The following NRXN3 variants were observed in gnomAD, a reference collection of about 807,000 sequenced individuals.
NRXN3 encodes neurexin 3, also known as neurexin III.
NRXN3 carries 32 observed loss-of-function variants against 137.6 expected under a neutral mutation model. The ratio of observed to expected loss-of-function variants is 0.23; its 90% CI spans 0.18 to 0.31. The LOEUF (loss-of-function observed/expected upper bound fraction) is 0.31, where lower values mean the gene tolerates loss of function less well. NRXN3 is among the 10% of genes least tolerant of loss of function. NRXN3 has a pLI of 1.00. For synonymous variants in NRXN3, 798 were observed against 784.5 expected (o/e 1.02, Z -0.29); for missense variants, 1,574 against 2,062.5 (o/e 0.76, Z 4.59).
At chr14:78,895,404 A>G (rs546310152) in intron 10 of NRXN3, among the ~76,000 whole-genome samples, 46 of 151,666 alleles carry the variant, frequency 3.0e-4, no homozygotes, top group South Asian at 1.7e-3. Flanking sequence ...CATCTTCCTC[A>G]CCTCTCTTAG....
chr14:78,708,060 A>T (rs895233096), intron 6 of NRXN3, among the ~76,000 whole-genome samples: 8 of 152,226 alleles, frequency 5.3e-5, no homozygotes, highest in Non-Finnish European at 1.0e-4. Flanking sequence ...CTCTGGGTAG[A>T]TACCCAGTAG....
chr14:79,120,032 A>T (rs1046595482), intron 15 of NRXN3, among the ~76,000 whole-genome samples: 1 of 152,152 alleles, frequency 6.6e-6, no homozygotes, highest in Non-Finnish European at 1.5e-5. Context: ...GAGCATCACT[A>T]TGACTTTTTC....
intron 15 of NRXN3, among the ~76,000 whole-genome samples, chr14:79,168,247 G>A (rs143231525): frequency 8.5e-5 from 13 of 152,122 alleles, no homozygotes; most frequent in African/African-American, 3.1e-4. Flanking sequence ...TAGCACAAAG[G>A]CTCTTCTAGT....
intron 15 of NRXN3, among the ~76,000 whole-genome samples, chr14:79,259,933 C>G (rs2077349720): frequency 6.6e-6 from 1 of 152,056 alleles, no homozygotes; most frequent in Non-Finnish European, 1.5e-5. Context: ...CTGTCTCCCC[C>G]ACCTTTCCTT....
chr14:78,345,898 T>G (rs912818775), intron 4 of NRXN3, among the ~76,000 whole-genome samples: 1 of 152,152 alleles, frequency 6.6e-6, no homozygotes, highest in African/African-American at 2.4e-5. Flanking sequence ...ATCAGGTCCC[T>G]GGGGACAGGC....
rs138189816 is a variant in NRXN3 at position 78,552,475 on chromosome 14, T to C, written c.758-92645T>C. On this transcript the variant is annotated intron_variant, in intron 4 of 20. Coordinates refer to ENST00000335750, the MANE Select transcript of NRXN3 (RefSeq NM_001330195.2). ...TGCCTCTAACTGTGGTCATGAGAAGTCTCAGACACTGGCATGAAGTCAGCA... is the reference window on the plus strand; with the variant it reads ...TGCCTCTAACTGTGGTCATGAGAAGCCTCAGACACTGGCATGAAGTCAGCA... 3.7e-3 allele frequency among the ~76,000 whole-genome samples: 560 copies of C among 152,256 alleles called. 3 individuals are homozygous for C. Among genetic ancestry groups the C allele is most frequent in the South Asian group, 6.2e-3 (30 of 4,816 alleles).
chr14:78,756,804 C>T (rs768412363), intron 8 of NRXN3, among the ~76,000 whole-genome samples: 10 of 152,240 alleles, frequency 6.6e-5, no homozygotes, highest in Middle Eastern at 6.8e-3. Flanking sequence ...AACTCTGTTC[C>T]GTGTAATAGA....
At chr14:78,839,969 T>G (rs1234491873) in intron 10 of NRXN3, among the ~76,000 whole-genome samples, 1 of 152,224 alleles carries the variant, frequency 6.6e-6, no homozygotes, top group Non-Finnish European at 1.5e-5. Flanking sequence ...ATTTGAGGTT[T>G]TGTTACTTAT....
At chr14:79,545,842 A>G (rs544567146) in intron 16 of NRXN3, among the ~76,000 whole-genome samples, 1 of 152,000 alleles carries the variant, frequency 6.6e-6, no homozygotes, top group Admixed American at 6.6e-5. Flanking sequence ...TGACGTTCCT[A>G]CTCTGGCACT....
At position 78,365,213 on chromosome 14, in the gene NRXN3, G is replaced by T. The variant is rs144663985; in HGVS notation, c.757+67353G>T. ...GCTCTGTATATTTTTTTTGGAATAG[G>T]TCATATATATATATAATATACACAA... On this transcript the variant is annotated intron_variant, in intron 4 of 20. Transcript: ENST00000335750. Among the ~76,000 whole-genome samples the T allele has an allele frequency of 9.6e-3, 1,452 of 151,760 alleles. 16 individuals carry two copies. Among genetic ancestry groups the T allele is most frequent in the Non-Finnish European group, 0.016 (1,095 of 67,950 alleles).
intron 6 of NRXN3, among the ~76,000 whole-genome samples, chr14:78,682,450 T>G (rs2098085846): frequency 6.7e-6 from 1 of 149,120 alleles, no homozygotes; most frequent in Non-Finnish European, 1.5e-5. Flanking sequence ...TACGACACTT[T>G]GACAGTCATT....
At chr14:78,728,221 C>A (rs1487659652) in intron 8 of NRXN3, among the ~76,000 whole-genome samples, 2 of 152,158 alleles carry the variant, frequency 1.3e-5, no homozygotes, top group Admixed American at 6.5e-5. Context: ...TTCACAAGCT[C>A]AGTGGGTCCT....
intron 15 of NRXN3, among the ~76,000 whole-genome samples, chr14:79,167,834 C>T (rs1438531453): frequency 2.0e-5 from 3 of 151,928 alleles, no homozygotes; most frequent in Admixed American, 1.3e-4. Flanking sequence ...CTGCTTCAGC[C>T]AGCATTATCT....
chr14:78,747,529 G>A (rs957892234), intron 8 of NRXN3, among the ~76,000 whole-genome samples: 9 of 152,130 alleles, frequency 5.9e-5, no homozygotes, highest in African/African-American at 2.2e-4. Flanking sequence ...TGGTGCAAGA[G>A]TTTCTCTTTG....
At chr14:78,441,288 C>T (rs2094238111) in intron 4 of NRXN3, among the ~76,000 whole-genome samples, 1 of 152,240 alleles carries the variant, frequency 6.6e-6, no homozygotes, top group Non-Finnish European at 1.5e-5. Context: ...TTTCTCCTCC[C>T]TATTTTCTTC....
chr14:78,273,976 G>T (rs1320638788), intron 2 of NRXN3, among the ~76,000 whole-genome samples: 1 of 152,204 alleles, frequency 6.6e-6, no homozygotes. Context: ...TCGCCTACAG[G>T]AGGCTGGCTG....
At chr14:78,546,428 TC>T (rs1250380426) in intron 4 of NRXN3, among the ~76,000 whole-genome samples, 1 of 152,222 alleles carries the variant, frequency 6.6e-6, no homozygotes, top group African/African-American at 2.4e-5. Flanking sequence ...TTCTTGTCTT[TC>T]CATAGTAATA....
chr14:78,539,260 G>C (rs2096565626), intron 4 of NRXN3, among the ~76,000 whole-genome samples: 1 of 152,046 alleles, frequency 6.6e-6, no homozygotes, highest in African/African-American at 2.4e-5. Context: ...TTTTTTGGTT[G>C]GTAGGTTATT....
chr14:79,851,903 T>C (rs554091015), intron 20 of NRXN3, among the ~76,000 whole-genome samples: 1 of 152,278 alleles, frequency 6.6e-6, no homozygotes, highest in Admixed American at 6.5e-5. Context: ...ACTTTATTCC[T>C]TTCATGATTG....
Sources: gnomAD v4.1 joint callset for allele counts (sites outside exome capture counted in the v4.1 genomes callset) on GRCh38, gnomAD v4.1.1 for gene constraint, MANE v1.5 for transcripts, NCBI Gene and HGNC (gene_info 2026-07-23, HGNC 2026-07-21) for gene names.